LSAMP: variants seen among roughly 807,000 people sequenced by gnomAD.
The protein encoded by LSAMP is limbic system-associated membrane protein.
Under a neutral mutation model 38.6 loss-of-function variants are expected in LSAMP, and 7 were observed. The observed-to-expected ratio is 0.18, with a 90% CI of 0.10 to 0.34. The LOEUF (loss-of-function observed/expected upper bound fraction) is 0.34. Among genes scored for constraint, LSAMP ranks in the 10% least tolerant of loss-of-function variants. LSAMP has a pLI of 1.00. For synonymous variants in LSAMP, 154 were observed against 166.8 expected, an observed-to-expected ratio of 0.92 and a Z score of 0.59; for missense variants, 313 against 420.0, an observed-to-expected ratio of 0.75 and a Z score of 2.23.
At chr3:115,958,035 G>A (rs1266164385) in intron 3 of LSAMP, among the ~76,000 whole-genome samples, 3 of 152,072 alleles carry the variant, frequency 2.0e-5, no homozygotes, top group Non-Finnish European at 4.4e-5. Flanking sequence ...ATAACTAGTT[G>A]TGAGCCTGTT....
chr3:116,444,990 C>T lies in LSAMP; in HGVS notation c.42G>A (p.Leu14=), dbSNP rs1370964861. The change falls in exon 1 of 7, where the codon CTG becomes CTA. Residue 14 remains leucine (L), a synonymous_variant. Transcript: ENST00000490035. ...RVQPDRKQLP[L]VLLRLLCLLP... ...GAAGGCAGAGCAATCTCAGTAGGAC[C>T]AGTGGCAACTGTTTCCGATCCGGCT... 6.2e-7 allele frequency: 1 copy of T among 1,614,038 alleles called. No individual in the cohort carries two copies. Among genetic ancestry groups the T allele is most frequent in the East Asian group, 2.2e-5 (1 of 44,834 alleles).
intron 1 of LSAMP, among the ~76,000 whole-genome samples, chr3:116,413,021 C>T (rs947176802): frequency 6.6e-6 from 1 of 152,066 alleles, no homozygotes; most frequent in African/African-American, 2.4e-5. Context: ...AGACCAGCCA[C>T]GACTTCACCT....
intron 1 of LSAMP, among the ~76,000 whole-genome samples, chr3:116,208,738 TGAG>T (rs202136398): frequency 0.6 from 91,299 of 151,542 alleles, 28,225 homozygotes; most frequent in East Asian, 0.76. Context: ...GGGACCCACT[TGAG>T]GAGGCTGTCT....
chr3:115,941,650 A>G (rs375761376), intron 3 of LSAMP, among the ~76,000 whole-genome samples: 7 of 152,278 alleles, frequency 4.6e-5, no homozygotes, highest in African/African-American at 1.7e-4. Context: ...ATTTACAACA[A>G]CATGGGTGAA....
At chr3:116,302,821 G>T (rs1024737284) in intron 1 of LSAMP, among the ~76,000 whole-genome samples, 4 of 152,252 alleles carry the variant, frequency 2.6e-5, no homozygotes, top group Admixed American at 1.3e-4. Context: ...ATATCACTCA[G>T]GGTGAAAGCT....
intron 1 of LSAMP, among the ~76,000 whole-genome samples, chr3:116,232,734 TGC>T (rs2046417674): frequency 7.2e-6 from 1 of 139,748 alleles, no homozygotes; most frequent in Non-Finnish European, 1.5e-5. Context: ...GTAGATTTGC[TGC>T]CAGAGGCAAG....
chr3:116,088,263 A>G (rs1476662654), intron 1 of LSAMP, among the ~76,000 whole-genome samples: 9 of 152,338 alleles, frequency 5.9e-5, no homozygotes, highest in South Asian at 4.1e-4. Flanking sequence ...TTTCATAAAC[A>G]TAACTAGATT....
chr3:116,294,824 A>C (rs547204112), intron 1 of LSAMP, among the ~76,000 whole-genome samples: 338 of 152,334 alleles, frequency 2.2e-3, no homozygotes, highest in Non-Finnish European at 4.0e-3. Context: ...TGCTGTGATT[A>C]GGCATGGGGA....
intron 3 of LSAMP, among the ~76,000 whole-genome samples, chr3:115,914,474 A>T (rs555932393): frequency 3.3e-5 from 5 of 152,196 alleles, no homozygotes; most frequent in African/African-American, 1.2e-4. Flanking sequence ...CCATACACTG[A>T]CTGTGCTTTC....
chr3:116,186,876 C>A (rs1462164601), intron 1 of LSAMP, among the ~76,000 whole-genome samples: 1 of 152,060 alleles, frequency 6.6e-6, no homozygotes, highest in Non-Finnish European at 1.5e-5. Flanking sequence ...AAGTCTGTGG[C>A]TTTGAACATA....
chr3:115,868,906 A>C (rs1221750915), intron 3 of LSAMP, among the ~76,000 whole-genome samples: 2 of 152,078 alleles, frequency 1.3e-5, no homozygotes, highest in African/African-American at 4.8e-5. Context: ...AAAACTAAGA[A>C]TATTTTATGG....
chr3:116,395,268 G>C (rs1057477968), intron 1 of LSAMP, among the ~76,000 whole-genome samples: 15 of 152,148 alleles, frequency 9.9e-5, no homozygotes, highest in African/African-American at 3.4e-4. Flanking sequence ...GTTCACATTA[G>C]ATCGGAAATG....
chr3:116,091,901 T>G (rs533402874), intron 1 of LSAMP, among the ~76,000 whole-genome samples: 5 of 152,326 alleles, frequency 3.3e-5, no homozygotes, highest in African/African-American at 1.2e-4. Context: ...GGACGTATGC[T>G]ATAAAGTGCC....
At chr3:116,223,278 T>C (rs2046309017) in intron 1 of LSAMP, among the ~76,000 whole-genome samples, 1 of 152,200 alleles carries the variant, frequency 6.6e-6, no homozygotes, top group Admixed American at 6.5e-5. Flanking sequence ...TTTCTAGAAA[T>C]ACTAGCTAAG....
chr3:116,429,521 G>A (rs563209438), intron 1 of LSAMP, among the ~76,000 whole-genome samples: 28 of 152,222 alleles, frequency 1.8e-4, no homozygotes, highest in African/African-American at 6.7e-4. Context: ...GATATGAAAA[G>A]TAAAGAAGTC....
intron 3 of LSAMP, among the ~76,000 whole-genome samples, chr3:116,008,207 G>A (rs940316060): frequency 2.6e-5 from 4 of 152,114 alleles, no homozygotes; most frequent in South Asian, 2.1e-4. Context: ...GCAAATCAAC[G>A]TTTATGGTAG....
intron 4 of LSAMP, among the ~76,000 whole-genome samples, chr3:115,849,055 A>G (rs1013675148): frequency 1.3e-5 from 2 of 152,198 alleles, no homozygotes; most frequent in East Asian, 1.9e-4. Flanking sequence ...AGAACCTGCA[A>G]TGAAAGAACA....
At chr3:115,839,511 G>C (rs1409011174) in intron 6 of LSAMP, among the ~76,000 whole-genome samples, 2 of 152,086 alleles carry the variant, frequency 1.3e-5, no homozygotes, top group Admixed American at 1.3e-4. Context: ...CAAAATGTTT[G>C]TTCTTAGGCC....
chr3:116,413,569 T>A (rs2049007898), intron 1 of LSAMP, among the ~76,000 whole-genome samples: 1 of 152,034 alleles, frequency 6.6e-6, no homozygotes, highest in Non-Finnish European at 1.5e-5. Flanking sequence ...CTTAACCCAA[T>A]GATTCAGTCA....
Sources: allele counts gnomAD v4.1 joint callset (sites outside exome capture counted in the v4.1 genomes callset), GRCh38; gene constraint gnomAD v4.1.1; transcripts MANE v1.5; gene names NCBI Gene and HGNC (gene_info 2026-07-23, HGNC 2026-07-21).